CYFIP2: variants seen among roughly 807,000 people sequenced by gnomAD.
The protein encoded by CYFIP2 is cytoplasmic FMR1 interacting protein 2.
A neutral mutation model predicts 158.7 loss-of-function variants in CYFIP2; 29 were observed. The observed-to-expected ratio is 0.18, with a 90% CI of 0.14 to 0.25. The LOEUF (loss-of-function observed/expected upper bound fraction) is 0.25, where lower values mean the gene tolerates loss of function less well. CYFIP2 is among the 10% of genes least tolerant of loss of function. CYFIP2 has a pLI of 1.00. For missense variants in CYFIP2, 852 were observed against 1,639.5 expected (o/e 0.52, Z 8.29); for synonymous variants, 585 against 617.6 (o/e 0.95, Z 0.78).
intron 20 of CYFIP2, among the ~76,000 whole-genome samples, chr5:157,331,776 A>T (rs1761481448): frequency 1.3e-5 from 2 of 152,206 alleles, no homozygotes; most frequent in South Asian, 4.1e-4. Context: ...TGTGCATAAG[A>T]TGGCTATAAG....
chr5:157,391,463 C>A (rs1341890746), intron 30 of CYFIP2, among the ~76,000 whole-genome samples: 2 of 152,156 alleles, frequency 1.3e-5, no homozygotes, highest in African/African-American at 2.4e-5. Flanking sequence ...TTCTCCCCAG[C>A]CCCTGGTAAC....
At chr5:157,358,883 C>A in intron 23 of CYFIP2, 122 bp from the exon 24 acceptor site, 1 of 1,267,332 alleles carries the variant, frequency 7.9e-7, no homozygotes, top group Non-Finnish European at 1.1e-6. Context: ...ATTCATGGGG[C>A]TCCAGTGAGC....
chr5:157,326,725 C>A (rs1761050934), intron 18 of CYFIP2, among the ~76,000 whole-genome samples: 2 of 152,206 alleles, frequency 1.3e-5, no homozygotes, highest in South Asian at 2.1e-4. Flanking sequence ...AGAATGGGGC[C>A]TGAGTGCACA....
chr5:157,383,040 A>G lies in CYFIP2; in HGVS notation c.3113-225A>G, dbSNP rs191487381. ...ATATATTAATATATTAAACCACTATACTAGAGATATTCTAGAAGGCAGACG... is the reference window on the plus strand; with the variant it reads ...ATATATTAATATATTAAACCACTATGCTAGAGATATTCTAGAAGGCAGACG... On this transcript the variant is annotated intron_variant, in intron 27 of 30. Coordinates refer to ENST00000620254, the MANE Select transcript of CYFIP2 (RefSeq NM_001037333.3). Among the ~76,000 whole-genome samples the G allele has an allele frequency of 2.1e-4, 32 of 152,294 alleles. 1 individual carries two copies. In the East Asian group the frequency reaches 6.2e-3, roughly 29 times the overall value.
chr5:157,351,139 G>A (rs1379170978), intron 23 of CYFIP2, among the ~76,000 whole-genome samples: 1 of 152,094 alleles, frequency 6.6e-6, no homozygotes, highest in African/African-American at 2.4e-5. Context: ...GTTCTCGGGG[G>A]AAATTCCCCC....
intron 23 of CYFIP2, among the ~76,000 whole-genome samples, chr5:157,353,938 T>A (rs1013977031): frequency 5.9e-5 from 9 of 152,230 alleles, no homozygotes; most frequent in South Asian, 4.1e-4. Context: ...TACCATCTGA[T>A]GAGATAGAGG....
chr5:157,282,338 C>T (rs552622546), intron 1 of CYFIP2, among the ~76,000 whole-genome samples: 1 of 152,236 alleles, frequency 6.6e-6, no homozygotes, highest in Admixed American at 6.5e-5. Context: ...TTAAAATGAC[C>T]AGATCTCCTG....
intron 23 of CYFIP2, among the ~76,000 whole-genome samples, chr5:157,350,154 T>G (rs1207803409): frequency 6.6e-6 from 1 of 152,274 alleles, no homozygotes; most frequent in South Asian, 2.1e-4. Flanking sequence ...ATCTTTGTTT[T>G]TGTTGCATTT....
intron 23 of CYFIP2, among the ~76,000 whole-genome samples, chr5:157,348,972 C>T (rs1432425622): frequency 6.6e-6 from 1 of 150,868 alleles, no homozygotes; most frequent in Non-Finnish European, 1.5e-5. Flanking sequence ...AAAGCATCCT[C>T]CCCACACCGT....
intron 15 of CYFIP2, 48 bp downstream of exon 15, chr5:157,320,850 C>A: frequency 6.7e-7 from 1 of 1,487,868 alleles, no homozygotes; most frequent in Non-Finnish European, 8.9e-7. Context: ...AGAGGCCAGC[C>A]GGGCTATGGT....
At chr5:157,343,636 G>C in intron 23 of CYFIP2, 1 of 1,004,654 alleles carries the variant, frequency 1.0e-6, no homozygotes. Context: ...ATTTGAGACG[G>C]GCACTCATGT....
At chr5:157,307,341 G>A (rs1759317846) in intron 8 of CYFIP2, among the ~76,000 whole-genome samples, 2 of 152,178 alleles carry the variant, frequency 1.3e-5, no homozygotes, top group African/African-American at 4.8e-5. Context: ...CGGAAATATT[G>A]TCAACAGATC....
At chr5:157,380,428 G>A (rs1474533042) in intron 26 of CYFIP2, among the ~76,000 whole-genome samples, 2 of 152,184 alleles carry the variant, frequency 1.3e-5, no homozygotes, top group African/African-American at 2.4e-5. Flanking sequence ...GAGTGAACAA[G>A]AACAGCTTCC....
intron 26 of CYFIP2, among the ~76,000 whole-genome samples, chr5:157,367,623 C>T (rs553098007): frequency 2.0e-5 from 3 of 152,266 alleles, no homozygotes; most frequent in Non-Finnish European, 4.4e-5. Context: ...CTGTCTCCTA[C>T]TTCTACCTTT....
chr5:157,268,389 A>G (rs1205509788), intron 1 of CYFIP2, among the ~76,000 whole-genome samples: 2 of 152,228 alleles, frequency 1.3e-5, no homozygotes, highest in Non-Finnish European at 2.9e-5. Flanking sequence ...AGTAGACATG[A>G]ATTCAAAAAC....
chr5:157,312,560 C>T (rs1007998628), intron 11 of CYFIP2, among the ~76,000 whole-genome samples: 1 of 152,196 alleles, frequency 6.6e-6, no homozygotes, highest in Non-Finnish European at 1.5e-5. Context: ...ACATAGCACT[C>T]GTGGGTGACT....
chr5:157,301,572 G>A (rs1189947624), intron 6 of CYFIP2, among the ~76,000 whole-genome samples: 1 of 152,166 alleles, frequency 6.6e-6, no homozygotes, highest in South Asian at 2.1e-4. Flanking sequence ...AGGTGTAGAG[G>A]TGGAGACACC....
At position 157,393,853 on chromosome 5, in the gene CYFIP2, G is replaced by A. The variant is rs563644976; in HGVS notation, c.*853G>A. On this transcript the variant is annotated 3_prime_UTR_variant, in exon 31 of 31. Coordinates refer to ENST00000620254, the MANE Select transcript of CYFIP2 (RefSeq NM_001037333.3). ...AGTCATAGCACTGCCTATAGCATTA[G>A]CCAGTGACCAAATTAGGGACAACGT... 12 of 152,250 alleles carry A rather than the reference G, an allele frequency of 7.9e-5. No individual in the cohort carries two copies. In the South Asian group the frequency reaches 2.5e-3, roughly 32 times the overall value. 9.4% of individuals were successfully genotyped at this position (152,250 alleles called of 1,614,324 possible).
Position 157,371,016 on chromosome 5 carries a change from A to G in CYFIP2, c.3039+9418A>G, listed in dbSNP as rs145681349. Among the ~76,000 whole-genome samples, 90 of 152,308 alleles carry G rather than the reference A, an allele frequency of 5.9e-4. No homozygotes were observed. In the East Asian group the frequency reaches 0.016, roughly 27 times the overall value. ...GCTGCTGGAAGTGAGGGACCAGTGG[A>G]ACAGGAGCAGAGACAGCGTCTCTCG... On this transcript the variant is annotated intron_variant, in intron 26 of 30. Coordinates refer to ENST00000620254, the MANE Select transcript of CYFIP2 (RefSeq NM_001037333.3).
Sources: allele counts gnomAD v4.1 joint callset (sites outside exome capture counted in the v4.1 genomes callset), GRCh38; gene constraint gnomAD v4.1.1; transcripts MANE v1.5; gene names NCBI Gene and HGNC (gene_info 2026-07-23, HGNC 2026-07-21).